RPS6KC1: variants seen among roughly 807,000 people sequenced by gnomAD.
The protein encoded by RPS6KC1 is ribosomal protein S6 kinase C1.
Under a neutral mutation model 103.8 loss-of-function variants are expected in RPS6KC1, and 54 were observed. The observed-to-expected ratio is 0.52, with a 90% CI of 0.42 to 0.65. RPS6KC1 has a LOEUF of 0.65. RPS6KC1 is among the 30% of genes least tolerant of loss of function. The pLI is 0.00. For missense variants in RPS6KC1, 1,151 were observed against 1,253.8 expected, an observed-to-expected ratio of 0.92 and a Z score of 1.24; for synonymous variants, 439 against 438.7, an observed-to-expected ratio of 1.00 and a Z score of -0.01.
chr1:213,425,823 C>CCTG, the RPS6KC1 span, among the ~76,000 whole-genome samples: 33 of 151,834 alleles, frequency 2.2e-4, no homozygotes, highest in East Asian at 1.9e-4. Flanking sequence ...GATTGCTGTC[C>CCTG]CTGCTGCTGC....
intron 4 of RPS6KC1, among the ~76,000 whole-genome samples, chr1:213,111,546 T>A (rs2083030799): frequency 1.3e-5 from 2 of 152,234 alleles, no homozygotes; most frequent in South Asian, 4.1e-4. Flanking sequence ...TATTTAGGAT[T>A]ATGAGCTAAA....
At chr1:213,456,128 C>T in the RPS6KC1 span, among the ~76,000 whole-genome samples, 1 of 152,168 alleles carries the variant, frequency 6.6e-6, no homozygotes, top group African/African-American at 2.4e-5. Context: ...TTCCTATCGG[C>T]ACATGGGGTC....
the RPS6KC1 span, among the ~76,000 whole-genome samples, chr1:213,442,112 G>C: frequency 6.6e-6 from 1 of 152,168 alleles, no homozygotes; most frequent in Non-Finnish European, 1.5e-5. Context: ...TTCCTTAAGG[G>C]AAGACATACC....
At chr1:213,230,457 T>C (rs1372100689) in intron 8 of RPS6KC1, 40 bp from the exon 9 acceptor site, 1 of 1,443,092 alleles carries the variant, frequency 6.9e-7, no homozygotes, top group Non-Finnish European at 9.7e-7. Flanking sequence ...TAATGTTTCA[T>C]TGTATTGTTA....
At chr1:213,178,786 C>T (rs1424724772) in intron 8 of RPS6KC1, among the ~76,000 whole-genome samples, 1 of 151,958 alleles carries the variant, frequency 6.6e-6, no homozygotes, top group East Asian at 1.9e-4. Flanking sequence ...ACAATCTTGG[C>T]TCACTGCAGC....
chr1:213,706,988 G>A, the RPS6KC1 span, among the ~76,000 whole-genome samples: 1 of 152,114 alleles, frequency 6.6e-6, no homozygotes, highest in Non-Finnish European at 1.5e-5. Flanking sequence ...TTGCTGTTGT[G>A]AATAGTGCTG....
chr1:213,198,111 T>C (rs1388264101), intron 8 of RPS6KC1, among the ~76,000 whole-genome samples: 1 of 152,224 alleles, frequency 6.6e-6, no homozygotes, highest in Non-Finnish European at 1.5e-5. Context: ...TTTTAAGATT[T>C]AGAACTTTTA....
At chr1:213,576,798 G>T in the RPS6KC1 span, among the ~76,000 whole-genome samples, 2 of 152,162 alleles carry the variant, frequency 1.3e-5, no homozygotes, top group Non-Finnish European at 2.9e-5. Flanking sequence ...AGTGAGAAAG[G>T]CCTATCAAAA....
At chr1:213,206,029 T>C (rs1558535471) in intron 8 of RPS6KC1, among the ~76,000 whole-genome samples, 1 of 152,206 alleles carries the variant, frequency 6.6e-6, no homozygotes, top group Non-Finnish European at 1.5e-5. Flanking sequence ...AGATTTGAGA[T>C]GCTCAACTTG....
rs571046163 is a variant in RPS6KC1, at chr1:213,185,037, T to C, written c.1044+8545T>C. On this transcript the variant is annotated intron_variant, in intron 8 of 14. Coordinates refer to ENST00000366960, the MANE Select transcript of RPS6KC1 (RefSeq NM_012424.6). ...GTGTAGTTTAACTCTGGTTTCTTTG[T>C]TGATTTGCCGCTGGATGATCTGTCC... 1.8e-4 allele frequency among the ~76,000 whole-genome samples: 27 copies of C among 152,344 alleles called. No individual in the cohort carries two copies. In the South Asian group the frequency reaches 5.6e-3, roughly 32 times the overall value.
chr1:213,364,442 G>T, the RPS6KC1 span, among the ~76,000 whole-genome samples: 1 of 152,218 alleles, frequency 6.6e-6, no homozygotes, highest in Non-Finnish European at 1.5e-5. Context: ...GGGCAGAGAA[G>T]AGGTCAGAGA....
At chr1:213,734,731 A>G in the RPS6KC1 span, among the ~76,000 whole-genome samples, 2 of 152,248 alleles carry the variant, frequency 1.3e-5, no homozygotes, top group African/African-American at 4.8e-5. Context: ...TTTGAGTGAC[A>G]GAGAGTATCA....
the RPS6KC1 span, among the ~76,000 whole-genome samples, chr1:213,390,678 C>T: frequency 6.6e-6 from 1 of 152,138 alleles, no homozygotes; most frequent in South Asian, 2.1e-4. Flanking sequence ...ATCTACCCAT[C>T]TGGTTTCTCA....
At chr1:213,496,653 G>A in the RPS6KC1 span, among the ~76,000 whole-genome samples, 1 of 152,168 alleles carries the variant, frequency 6.6e-6, no homozygotes, top group African/African-American at 2.4e-5. Flanking sequence ...AGCTACTCGT[G>A]AGGCTGAGGT....
the RPS6KC1 span, among the ~76,000 whole-genome samples, chr1:213,728,959 T>G: frequency 2.8e-5 from 4 of 142,684 alleles, 1 homozygote; most frequent in Non-Finnish European, 6.0e-5. Context: ...TTTTTTTTTT[T>G]TTTTTTACCA....
the RPS6KC1 span, among the ~76,000 whole-genome samples, chr1:213,776,212 A>G: frequency 6.6e-6 from 1 of 152,192 alleles, no homozygotes; most frequent in Non-Finnish European, 1.5e-5. Flanking sequence ...TCTTAATGGC[A>G]TCTAAAATGG....
At chr1:213,395,370 T>C in the RPS6KC1 span, among the ~76,000 whole-genome samples, 1 of 152,252 alleles carries the variant, frequency 6.6e-6, no homozygotes, top group East Asian at 1.9e-4. Context: ...GAAGATTAAT[T>C]ATGAATTCAA....
the RPS6KC1 span, among the ~76,000 whole-genome samples, chr1:213,462,752 G>A: frequency 0.015 from 2,335 of 152,196 alleles, 56 homozygotes; most frequent in African/African-American, 0.052. Context: ...GCCTGTTGGC[G>A]GGTGGTTGAC....
intron 8 of RPS6KC1, among the ~76,000 whole-genome samples, chr1:213,183,868 A>G (rs2092404397): frequency 6.6e-6 from 1 of 152,174 alleles, no homozygotes; most frequent in Non-Finnish European, 1.5e-5. Context: ...AATAAAATTG[A>G]TAAACCTCTA....
Sources: gnomAD v4.1 joint callset for allele counts (sites outside exome capture counted in the v4.1 genomes callset) on GRCh38, gnomAD v4.1.1 for gene constraint, MANE v1.5 for transcripts, NCBI Gene and HGNC (gene_info 2026-07-23, HGNC 2026-07-21) for gene names.